The following KALRN variants were observed in gnomAD, a reference collection of about 807,000 sequenced individuals.
KALRN encodes kalirin RhoGEF kinase.
Under a neutral mutation model 353.7 loss-of-function variants are expected in KALRN, and 70 were observed. That is an observed-to-expected ratio of 0.20 (90% confidence interval 0.16 to 0.24). The LOEUF is 0.24. Ranked by LOEUF, KALRN falls within the 10% of genes least tolerant of loss-of-function variation. KALRN has a pLI of 1.00. For missense variants in KALRN, 2,791 were observed against 3,756.7 expected (o/e 0.74, Z 6.72); for synonymous variants, 1,391 against 1,434.8 (o/e 0.97, Z 0.69).
At chr3:124,477,449 C>T in intron 27 of KALRN, 115 bp downstream of exon 27, 2 of 779,054 alleles carry the variant, frequency 2.6e-6, no homozygotes, top group Admixed American at 2.3e-5. Flanking sequence ...CTTTACTGGC[C>T]ACTGCAAACC....
intron 10 of KALRN, among the ~76,000 whole-genome samples, chr3:124,371,238 CAT>C: frequency 6.6e-6 from 1 of 152,262 alleles, no homozygotes. Context: ...GAAATCCATG[CAT>C]AGTTTCCTTT....
intron 26 of KALRN, among the ~76,000 whole-genome samples, chr3:124,475,232 A>T (rs2061331540): frequency 6.6e-6 from 1 of 152,172 alleles, no homozygotes; most frequent in African/African-American, 2.4e-5. Flanking sequence ...TCCACCTAAC[A>T]ATTGGTTACA....
chr3:124,094,493 G>A (rs2061308281), intron 1 of KALRN, among the ~76,000 whole-genome samples: 1 of 152,224 alleles, frequency 6.6e-6, no homozygotes, highest in Non-Finnish European at 1.5e-5. Context: ...TTTAAGACAT[G>A]GACTTGACTG....
Position 124,652,910 on chromosome 3 carries a change from G to A in KALRN, c.5795+1972G>A, listed in dbSNP as rs116252299. 2.6e-3 allele frequency among the ~76,000 whole-genome samples: 393 copies of A among 152,052 alleles called. 5 individuals carry two copies. Among genetic ancestry groups the A allele is most frequent in the African/African-American group, 8.3e-3 (346 of 41,502 alleles). On this transcript the variant is annotated intron_variant, in intron 38 of 59. Transcript: ENST00000682506. ...CTACTCTTAGCATGTAGCTTGAACCGGCCTTTGAGCAGTCATTTAAGCCAT... is the reference window on the plus strand; with the variant it reads ...CTACTCTTAGCATGTAGCTTGAACCAGCCTTTGAGCAGTCATTTAAGCCAT...
chr3:124,699,824 C>T, intron 55 of KALRN, 45 bp from the exon 56 acceptor site: 1 of 1,587,882 alleles, frequency 6.3e-7, no homozygotes. Context: ...GAAACAATAT[C>T]CCTTTGGCTT....
chr3:124,286,357 AC>A (rs2075908278), intron 5 of KALRN, among the ~76,000 whole-genome samples: 1 of 147,506 alleles, frequency 6.8e-6, no homozygotes. Flanking sequence ...CAATTCTCCC[AC>A]CTCAGCCTCC....
intron 13 of KALRN, chr3:124,410,323 A>G (rs759466806): frequency 1.9e-6 from 1 of 522,592 alleles, no homozygotes; most frequent in East Asian, 5.5e-5. Flanking sequence ...CCTAAAATCA[A>G]AAGAAAAGGC....
At chr3:124,109,625 T>C (rs965165844) in intron 1 of KALRN, among the ~76,000 whole-genome samples, 1 of 151,432 alleles carries the variant, frequency 6.6e-6, no homozygotes, top group African/African-American at 2.4e-5. Flanking sequence ...TGAGATAAAA[T>C]GGACAAATAA....
At chr3:124,242,285 T>C (rs1182953826) in intron 3 of KALRN, among the ~76,000 whole-genome samples, 1 of 152,218 alleles carries the variant, frequency 6.6e-6, no homozygotes, top group Non-Finnish European at 1.5e-5. Flanking sequence ...TTACATGCAT[T>C]AACTTAATTC....
chr3:124,592,455 A>G (rs374577003), intron 34 of KALRN, among the ~76,000 whole-genome samples: 4,512 of 144,860 alleles, frequency 0.031, 207 homozygotes, highest in African/African-American at 0.1. Context: ...TCTACATTAT[A>G]AAAAAAAAAG....
intron 5 of KALRN, among the ~76,000 whole-genome samples, chr3:124,296,474 T>A (rs564695006): frequency 6.6e-6 from 1 of 152,220 alleles, no homozygotes; most frequent in Non-Finnish European, 1.5e-5. Context: ...GCCACTCCCG[T>A]AATCCAGGAC....
At chr3:124,525,166 T>C (rs1159941193) in intron 33 of KALRN, among the ~76,000 whole-genome samples, 2 of 152,212 alleles carry the variant, frequency 1.3e-5, no homozygotes, top group Non-Finnish European at 2.9e-5. Context: ...GGCATGATAG[T>C]ACAGCCAGGC....
chr3:124,226,255 A>G (rs1439822900), intron 1 of KALRN, among the ~76,000 whole-genome samples: 1 of 152,238 alleles, frequency 6.6e-6, no homozygotes, highest in African/African-American at 2.4e-5. Context: ...AATAATTTAT[A>G]TTGATCCTAA....
At chr3:124,073,926 T>G (rs2060139642) in intron 1 of KALRN, among the ~76,000 whole-genome samples, 2 of 152,132 alleles carry the variant, frequency 1.3e-5, no homozygotes, top group Admixed American at 6.5e-5. Context: ...AATGGTGTAG[T>G]AAGTTTCAAG....
At chr3:124,539,927 G>GT (rs1251244963) in intron 33 of KALRN, among the ~76,000 whole-genome samples, 2 of 141,456 alleles carry the variant, frequency 1.4e-5, no homozygotes, top group African/African-American at 5.7e-5. Context: ...TTTTTTGGGG[G>GT]GGGGGACAGG....
chr3:124,146,465 A>C (rs2067337661), intron 1 of KALRN, among the ~76,000 whole-genome samples: 1 of 152,170 alleles, frequency 6.6e-6, no homozygotes, highest in Admixed American at 6.5e-5. Context: ...AAAAAATCAA[A>C]CTGAGCCTTC....
At chr3:124,127,383 C>T (rs2064809140) in intron 1 of KALRN, among the ~76,000 whole-genome samples, 1 of 152,154 alleles carries the variant, frequency 6.6e-6, no homozygotes, top group South Asian at 2.1e-4. Flanking sequence ...TCCTCCTCCC[C>T]TTACTGAGGT....
intron 10 of KALRN, among the ~76,000 whole-genome samples, chr3:124,365,015 C>T (rs1193803689): frequency 6.6e-6 from 1 of 152,182 alleles, no homozygotes; most frequent in African/African-American, 2.4e-5. Context: ...CTTATCCCTC[C>T]TGCCCTGGTC....
intron 57 of KALRN, among the ~76,000 whole-genome samples, chr3:124,703,158 C>T (rs7621976): frequency 0.14 from 20,713 of 152,156 alleles, 1,595 homozygotes; most frequent in African/African-American, 0.21. Flanking sequence ...TTGTGACCGA[C>T]GTTGTAGAGG....
Sources: gnomAD v4.1 joint callset for allele counts (sites outside exome capture counted in the v4.1 genomes callset) on GRCh38, gnomAD v4.1.1 for gene constraint, MANE v1.5 for transcripts, NCBI Gene and HGNC (gene_info 2026-07-23, HGNC 2026-07-21) for gene names.